Variants in USP8 observed in about 807,000 individuals in gnomAD.
The protein encoded by USP8 is ubiquitin carboxyl-terminal hydrolase 8.
Under a neutral mutation model 130.0 loss-of-function variants are expected in USP8, and 27 were observed. The observed-to-expected ratio is 0.21, with a 90% CI of 0.15 to 0.29. The LOEUF is 0.29. Ranked by LOEUF, USP8 falls within the 10% of genes least tolerant of loss-of-function variation. The pLI is 1.00. For synonymous variants in USP8, 392 were observed against 444.1 expected, an observed-to-expected ratio of 0.88 and a Z score of 1.48; for missense variants, 1,029 against 1,312.2, an observed-to-expected ratio of 0.78 and a Z score of 3.33.
In USP8 at chr15:50,498,649, C is replaced by G. The variant is rs760792363; in HGVS notation, c.3092C>G (p.Pro1031Arg). ...KQKLQTSVDF[P>R]LENLDLSQYV... ...AAATTACAGACATCTGTGGACTTCC[C>G]GTTAGAAAATCTTGACTTGTCACAG... The change falls in exon 19 of 20, where the codon CCG becomes CGG. Residue 1031 changes from proline (P) to arginine (R), a missense_variant. Pro to Arg is a moderately radical substitution (Grantham distance 103). Around this residue, in one of 4 missense-constraint regions of USP8, gnomAD observed 257 missense variants for 429.8 expected, o/e 0.60. Transcript: ENST00000307179. The G allele has an allele frequency of 6.2e-7, 1 of 1,612,730 alleles. No homozygotes were observed.
At chr15:50,425,973 T>A (rs978025278) in intron 1 of USP8, among the ~76,000 whole-genome samples, 1 of 151,980 alleles carries the variant, frequency 6.6e-6, no homozygotes, top group Non-Finnish European at 1.5e-5. Context: ...AATACAAAAT[T>A]AGCTGGGCGT....
In USP8 at chr15:50,481,472, T is replaced by TA; in HGVS notation, c.1219-9_1219-8insA. 1 of 1,514,650 alleles carries TA rather than the reference T, an allele frequency of 6.6e-7. No individual in the cohort carries two copies. The highest frequency in any genetic ancestry group is 8.8e-7 in the Non-Finnish European group (1 of 1,134,428). 93.8% of individuals were successfully genotyped at this position (1,514,650 alleles called of 1,614,324 possible). A position where few individuals can be genotyped will look rare whatever the true frequency, so the allele number is the denominator to read the frequency against. ...ACAAAAATGTTTTGCTCTGGTTTTG[T>TA]TGCTCTAGATTGATCGTACTAAAAA... On this transcript the variant is annotated splice_polypyrimidine_tract_variant and intron_variant, in intron 10 of 19. Transcript: ENST00000307179.
intron 1 of USP8, 102 bp from the exon 2 acceptor site, chr15:50,438,907 C>T: frequency 8.1e-6 from 4 of 492,730 alleles, no homozygotes; most frequent in Non-Finnish European, 1.4e-5. Flanking sequence ...TAAAATTAAC[C>T]CTGTTAGCAA....
intron 16 of USP8, 135 bp from the exon 17 acceptor site, chr15:50,495,713 C>CA: frequency 1.5e-6 from 1 of 662,208 alleles, no homozygotes; most frequent in Non-Finnish European, 2.5e-6. Context: ...TTGCCACACT[C>CA]AGTGAGATCA....
chr15:50,481,363 G>A (rs1390590422), intron 10 of USP8, 118 bp from the exon 11 acceptor site: 2 of 669,190 alleles, frequency 3.0e-6, no homozygotes, highest in Non-Finnish European at 4.6e-6. Context: ...ACAAATAGAT[G>A]TGCTGATAGA....
rs931342418 is a variant in USP8 at position 50,504,823 on chromosome 15, AC to A, written c.*5736del. 8 of 108,226 alleles carry A rather than the reference AC, an allele frequency of 7.4e-5. No individual in the cohort carries two copies. The highest frequency in any genetic ancestry group is 3.1e-4 in the African/African-American group (8 of 26,208). The allele number at this position is 108,226 out of a possible 1,614,324, so 6.7% of individuals were successfully genotyped here. A position where few individuals can be genotyped will look rare whatever the true frequency, so the allele number is the denominator to read the frequency against. On this transcript the variant is annotated 3_prime_UTR_variant, in exon 20 of 20. Transcript: ENST00000307179. Reference sequence around the variant, plus strand: ...TGAAACCCTGTCTCTATTAAAAAAAACAAAAAAAATTAGCTGGGCCTGGTGG... The same window carrying A: ...TGAAACCCTGTCTCTATTAAAAAAAAAAAAAAAATTAGCTGGGCCTGGTGG...
chr15:50,454,477 A>T (rs1595925555), intron 4 of USP8, among the ~76,000 whole-genome samples: 4 of 131,428 alleles, frequency 3.0e-5, no homozygotes, highest in Non-Finnish European at 1.6e-5. Flanking sequence ...TTTCAGATGG[A>T]GTCTCACTCT....
rs552197939 is a variant in USP8 at position 50,491,670 on chromosome 15, T to TATCA, written c.2235-1030_2235-1027dup. 3.0e-4 allele frequency among the ~76,000 whole-genome samples: 45 copies of TATCA among 152,288 alleles called. No individual in the cohort carries two copies. The South Asian group carries it at 9.1e-3, about 31-fold the overall frequency. On this transcript the variant is annotated intron_variant, in intron 14 of 19. Transcript: ENST00000307179. Reference sequence around the variant, plus strand: ...GATTAATTAAAAAAGAAAAAAGACCTATCAGTTAAGATTTTCCTTATGCTT... The same window carrying TATCA: ...GATTAATTAAAAAAGAAAAAAGACCTATCAATCAGTTAAGATTTTCCTTATGCTT...
chr15:50,425,191 C>G (rs1179740408), intron 1 of USP8, among the ~76,000 whole-genome samples: 2 of 152,130 alleles, frequency 1.3e-5, no homozygotes, highest in East Asian at 3.8e-4. Context: ...TAATCACTAA[C>G]AAAAAATTTA....
intron 10 of USP8, among the ~76,000 whole-genome samples, chr15:50,480,335 G>A (rs985705557): frequency 6.6e-6 from 1 of 152,128 alleles, no homozygotes; most frequent in Non-Finnish European, 1.5e-5. Flanking sequence ...AGGGAAGATT[G>A]CATTTGTTCC....
At chr15:50,472,282 AG>A (rs375827973) in intron 8 of USP8, among the ~76,000 whole-genome samples, 10 of 152,032 alleles carry the variant, frequency 6.6e-5, no homozygotes, top group African/African-American at 2.2e-4. Context: ...ATTAAAACTT[AG>A]GTGGAAAAAG....
rs1267303628 is a variant in USP8, at chr15:50,509,932, A to T, written c.*10844A>T. 4 of 152,144 alleles carry T rather than the reference A, an allele frequency of 2.6e-5. No homozygotes were observed. The highest frequency in any genetic ancestry group is 4.8e-5 in the African/African-American group (2 of 41,462). The allele number at this position is 152,144 out of a possible 1,614,324, so 9.4% of individuals were successfully genotyped here. On this transcript the variant is annotated 3_prime_UTR_variant, in exon 20 of 20. Transcript: ENST00000307179. Reference sequence around the variant, plus strand: ...ACTGAAAAATAAGAATAAAGTTGTGATGGTAATGACTTAGGGAATAATGAT... The same window carrying T: ...ACTGAAAAATAAGAATAAAGTTGTGTTGGTAATGACTTAGGGAATAATGAT...
chr15:50,499,097 A>C lies in USP8; in HGVS notation c.*9A>C. 1 of 1,587,420 alleles carries C rather than the reference A, an allele frequency of 6.3e-7. No individual in the cohort carries two copies. Among genetic ancestry groups the C allele is most frequent in the South Asian group, 1.1e-5 (1 of 87,542 alleles). On this transcript the variant is annotated 3_prime_UTR_variant, in exon 20 of 20. Coordinates refer to ENST00000307179, the MANE Select transcript of USP8 (RefSeq NM_005154.5). ...CTGATGTAGCCACATAAGGAGACAT[A>C]GGTTATAAACTAGTTATCTTTTAAA...
rs925556523 is a variant in USP8 at position 50,504,719 on chromosome 15, C to G, written c.*5631C>G. 3.9e-5 allele frequency: 6 copies of G among 152,210 alleles called. No individual in the cohort carries two copies. Among genetic ancestry groups the G allele is most frequent in the African/African-American group, 1.5e-4 (6 of 41,358 alleles). 9.4% of individuals were successfully genotyped at this position (152,210 alleles called of 1,614,324 possible). A position where few individuals can be genotyped will look rare whatever the true frequency, so the allele number is the denominator to read the frequency against. ...ACCGGACTGGGCGCGGTGGCTCATG[C>G]CTGTAATCCTAGCACTTTGGGAGGC... On this transcript the variant is annotated 3_prime_UTR_variant, in exon 20 of 20. Transcript: ENST00000307179.
intron 12 of USP8, among the ~76,000 whole-genome samples, chr15:50,484,996 A>T (rs1219465099): frequency 6.6e-6 from 1 of 152,128 alleles, no homozygotes; most frequent in African/African-American, 2.4e-5. Flanking sequence ...GGAAATGGGG[A>T]GTTATTGTTC....
At chr15:50,480,310 C>CA (rs1232358994) in intron 10 of USP8, among the ~76,000 whole-genome samples, 2 of 152,148 alleles carry the variant, frequency 1.3e-5, no homozygotes, top group African/African-American at 4.8e-5. Flanking sequence ...TATTTTACCT[C>CA]ATGTAAAAGT....
intron 7 of USP8, among the ~76,000 whole-genome samples, chr15:50,469,473 T>C (rs1044477483): frequency 6.6e-6 from 1 of 152,140 alleles, no homozygotes; most frequent in South Asian, 2.1e-4. Context: ...GGGTTGGAAA[T>C]AGTCTTTAAG....
Position 50,504,111 on chromosome 15 carries a change from TA to T in USP8, c.*5024del, listed in dbSNP as rs1055451795. 2 of 152,142 alleles carry T rather than the reference TA, an allele frequency of 1.3e-5. No homozygotes were observed. Among genetic ancestry groups the T allele is most frequent in the Non-Finnish European group, 2.9e-5 (2 of 68,042 alleles). 9.4% of individuals were successfully genotyped at this position (152,142 alleles called of 1,614,324 possible). On this transcript the variant is annotated 3_prime_UTR_variant, in exon 20 of 20. Coordinates refer to ENST00000307179, the MANE Select transcript of USP8 (RefSeq NM_005154.5). The stretch of plus-strand genomic sequence containing the variant: ...TGAAAAAATAATACAACAATAAAAA[TA>T]TACATATTTTAAAATACAGTGTAAC...
At position 50,501,132 on chromosome 15, in the gene USP8, C is replaced by T. The variant is rs2141337181; in HGVS notation, c.*2044C>T. 1 of 300,192 alleles carries T rather than the reference C, an allele frequency of 3.3e-6. No homozygotes were observed. The highest frequency in any genetic ancestry group is 2.1e-5 in the African/African-American group (1 of 46,556). The allele number at this position is 300,192 out of a possible 1,614,324, so 18.6% of individuals were successfully genotyped here. ...CATTTAGTTAGCACTTAATATACATCAACTATTAAGCATTAAAGGAAATTT... is the reference window on the plus strand; with the variant it reads ...CATTTAGTTAGCACTTAATATACATTAACTATTAAGCATTAAAGGAAATTT... On this transcript the variant is annotated 3_prime_UTR_variant, in exon 20 of 20. Transcript: ENST00000307179.
Sources: gnomAD v4.1 joint callset for allele counts (sites outside exome capture counted in the v4.1 genomes callset) on GRCh38, gnomAD v4.1.1 for gene constraint, gnomAD v4.1.1 regional missense constraint, MANE v1.5 for transcripts, NCBI Gene and HGNC (gene_info 2026-07-23, HGNC 2026-07-21) for gene names.